The following DAB1 variants were observed in gnomAD, a reference collection of about 807,000 sequenced individuals.
DAB1 encodes the protein DAB adaptor protein 1.
Under a neutral mutation model 64.6 loss-of-function variants are expected in DAB1, and 15 were observed. The observed-to-expected ratio is 0.23, with a 90% CI of 0.16 to 0.36. DAB1 has a LOEUF of 0.36. DAB1 is among the 10% of genes least tolerant of loss of function. The pLI is 1.00. For missense variants in DAB1, 596 were observed against 706.7 expected (o/e 0.84, Z 1.78); for synonymous variants, 235 against 251.9 (o/e 0.93, Z 0.64).
At chr1:57,471,756 T>C (rs1687144668) in intron 7 of DAB1, among the ~76,000 whole-genome samples, 1 of 152,248 alleles carries the variant, frequency 6.6e-6, no homozygotes, top group African/African-American at 2.4e-5. Context: ...TTTTGTAAAT[T>C]ACCCAGTCTT....
chr1:58,345,175 C>T (rs1643981598), intron 3 of DAB1, among the ~76,000 whole-genome samples: 1 of 152,150 alleles, frequency 6.6e-6, no homozygotes, highest in Non-Finnish European at 1.5e-5. Context: ...ATCTCTTAGC[C>T]CACAATTTAA....
chr1:57,306,890 C>T (rs542744132), intron 1 of DAB1: 14 of 152,242 alleles, frequency 9.2e-5, no homozygotes, highest in Admixed American at 3.3e-4. Context: ...TCCCAAGGGC[C>T]TTTCTGACAT....
intron 4 of DAB1, among the ~76,000 whole-genome samples, chr1:58,163,776 A>G (rs1257549076): frequency 6.6e-6 from 1 of 152,178 alleles, no homozygotes; most frequent in Non-Finnish European, 1.5e-5. Flanking sequence ...CAATAACTCC[A>G]CTGGTCTGAC....
chr1:57,233,827 A>G (rs568448124), intron 2 of DAB1, among the ~76,000 whole-genome samples: 75 of 152,176 alleles, frequency 4.9e-4, no homozygotes, highest in African/African-American at 1.7e-3. Context: ...GCAAACTGAG[A>G]AAGGAAAGAG....
At chr1:57,900,415 T>C (rs758971584) in intron 5 of DAB1, among the ~76,000 whole-genome samples, 1 of 152,154 alleles carries the variant, frequency 6.6e-6, no homozygotes, top group Non-Finnish European at 1.5e-5. Flanking sequence ...GCTTCGTTAT[T>C]AGAGTCAGCC....
intron 5 of DAB1, among the ~76,000 whole-genome samples, chr1:57,995,410 G>A (rs538693648): frequency 2.0e-5 from 3 of 152,180 alleles, no homozygotes; most frequent in Admixed American, 2.0e-4. Context: ...GGGCACAAAG[G>A]TAACACTAGC....
Position 58,215,476 on chromosome 1 carries a change from G to A in DAB1, n.310-64888C>T, listed in dbSNP as rs1371824846. On this transcript the variant is annotated intron_variant and non_coding_transcript_variant, in intron 4 of 20. Transcript: ENST00000485760. Reference sequence around the variant, plus strand: ...TATATGTATTAGATGTTCACTGTCTGTCTCTCCTCATTAGATTGTTAGCCT... The same window carrying A: ...TATATGTATTAGATGTTCACTGTCTATCTCTCCTCATTAGATTGTTAGCCT... 2.7e-5 allele frequency among the ~76,000 whole-genome samples: 4 copies of A among 150,784 alleles called. No individual in the cohort carries two copies. The East Asian group carries it at 5.9e-4, about 22-fold the overall frequency.
intron 6 of DAB1, among the ~76,000 whole-genome samples, chr1:57,703,120 T>C (rs974347962): frequency 1.3e-5 from 2 of 152,076 alleles, no homozygotes; most frequent in Admixed American, 6.6e-5. Context: ...ATTCAGGATA[T>C]AGACAAGGAA....
intron 3 of DAB1, among the ~76,000 whole-genome samples, chr1:58,423,581 C>T (rs1021319816): frequency 5.3e-5 from 8 of 152,210 alleles, no homozygotes; most frequent in Non-Finnish European, 1.5e-5. Context: ...CCTTCAGCTC[C>T]CAGATGGATC....
chr1:58,366,191 T>C (rs567508807), intron 3 of DAB1, among the ~76,000 whole-genome samples: 1 of 152,190 alleles, frequency 6.6e-6, no homozygotes, highest in South Asian at 2.1e-4. Context: ...CAGTGACCGA[T>C]ATCTCATTCT....
intron 4 of DAB1, among the ~76,000 whole-genome samples, chr1:58,191,746 T>C (rs1657400191): frequency 1.3e-5 from 2 of 152,214 alleles, no homozygotes; most frequent in African/African-American, 4.8e-5. Context: ...CCCCTTTGCC[T>C]CCTAACTTGT....
chr1:58,044,637 T>C (rs187900273), intron 5 of DAB1, among the ~76,000 whole-genome samples: 1 of 152,170 alleles, frequency 6.6e-6, no homozygotes, highest in Non-Finnish European at 1.5e-5. Context: ...CACTATAGCA[T>C]AGTGGTTAAG....
At chr1:58,405,238 G>T (rs1480029814) in intron 3 of DAB1, among the ~76,000 whole-genome samples, 2 of 152,050 alleles carry the variant, frequency 1.3e-5, no homozygotes, top group Non-Finnish European at 2.9e-5. Context: ...CATCATGGGG[G>T]CTCCTTCAGA....
chr1:57,189,173 CATA>C (rs1465313960), intron 2 of DAB1, among the ~76,000 whole-genome samples: 1 of 152,158 alleles, frequency 6.6e-6, no homozygotes, highest in African/African-American at 2.4e-5. Flanking sequence ...GATTTTCCAC[CATA>C]ATAACTTAAC....
At chr1:58,520,078 G>A (rs7355166) in intron 2 of DAB1, among the ~76,000 whole-genome samples, 40,651 of 151,926 alleles carry the variant, frequency 0.27, 5,715 homozygotes, top group Middle Eastern at 0.4. Flanking sequence ...GGGAACAACA[G>A]ACACTGGCAA....
intron 1 of DAB1, among the ~76,000 whole-genome samples, chr1:57,332,597 A>G (rs926147419): frequency 2.0e-5 from 3 of 152,208 alleles, no homozygotes; most frequent in Non-Finnish European, 2.9e-5. Context: ...CAGTCTTCCA[A>G]TGACTCCACT....
chr1:57,867,506 T>G, intron 1 of DAB1: 1 of 152,084 alleles, frequency 6.6e-6, no homozygotes, highest in Admixed American at 6.6e-5. Flanking sequence ...AAAAAGTAAC[T>G]AAACTGCAAC....
Position 57,243,811 on chromosome 1 carries a change from C to T in DAB1, c.67+47153G>A, listed in dbSNP as rs116009118. Among the ~76,000 whole-genome samples, 958 of 152,218 alleles carry T rather than the reference C, an allele frequency of 6.3e-3. 5 individuals carry two copies. Among genetic ancestry groups the T allele is most frequent in the Admixed American group, 9.7e-3 (149 of 15,292 alleles). On this transcript the variant is annotated intron_variant, in intron 2 of 14. Transcript: ENST00000371236. ...CCTGCACCAATGGCATAGACCAACC[C>T]CAACAACCACACAGGAGCCCTAGTT...
intron 3 of DAB1, among the ~76,000 whole-genome samples, chr1:58,356,737 T>C (rs1455164243): frequency 1.3e-5 from 2 of 152,020 alleles, no homozygotes; most frequent in South Asian, 4.2e-4. Flanking sequence ...CTAAAGATAT[T>C]TGGCTGGGTG....
Sources: allele counts gnomAD v4.1 joint callset (sites outside exome capture counted in the v4.1 genomes callset), GRCh38; gene constraint gnomAD v4.1.1; transcripts MANE v1.5; gene names NCBI Gene and HGNC (gene_info 2026-07-23, HGNC 2026-07-21).